NRG4: variants seen among roughly 807,000 people sequenced by gnomAD.
NRG4 encodes the protein pro-neuregulin-4, membrane-bound isoform.
A neutral mutation model predicts 15.0 loss-of-function variants in NRG4; 10 were observed. That is an observed-to-expected ratio of 0.67 (90% CI 0.41 to 1.13). The LOEUF is 1.13. Ranked by LOEUF, NRG4 falls within the 50% of genes most tolerant of loss-of-function variation. The pLI is 0.00. For missense variants in NRG4, 139 were observed against 140.2 expected (o/e 0.99, Z 0.04); for synonymous variants, 41 against 50.1 (o/e 0.82, Z 0.77).
intron 3 of NRG4, among the ~76,000 whole-genome samples, chr15:76,008,993 G>A (rs1411333031): frequency 2.0e-5 from 3 of 152,106 alleles, no homozygotes; most frequent in African/African-American, 7.2e-5. Context: ...GCAATTTTCA[G>A]AATAAACACC....
At position 76,003,281 on chromosome 15, in the gene NRG4, C is replaced by T. The variant is rs553968210; in HGVS notation, c.104+5919G>A. 1.2e-4 allele frequency among the ~76,000 whole-genome samples: 18 copies of T among 152,086 alleles called. No individual in the cohort carries two copies. In the East Asian group the frequency reaches 1.3e-3, roughly 11 times the overall value. The stretch of plus-strand genomic sequence containing the variant: ...TGAATTAAACAAAATGAAAATATGA[C>T]ACATCAAAAATCGTGAGCTGCTATT... On this transcript the variant is annotated intron_variant, in intron 3 of 5. Coordinates refer to ENST00000394907, the MANE Select transcript of NRG4 (RefSeq NM_138573.4).
chr15:76,010,770 G>C (rs571464131), intron 2 of NRG4, among the ~76,000 whole-genome samples: 2 of 152,136 alleles, frequency 1.3e-5, no homozygotes, highest in Admixed American at 1.3e-4. Context: ...CATCATATAT[G>C]GTTTTCCACT....
At chr15:76,028,961 A>C (rs1027107251) in intron 5 of NRG4, among the ~76,000 whole-genome samples, 5 of 151,994 alleles carry the variant, frequency 3.3e-5, no homozygotes, top group African/African-American at 1.2e-4. Flanking sequence ...GATATCCCAC[A>C]TAACTGTGAT....
chr15:76,048,237 C>T (rs141734070), intron 4 of NRG4, among the ~76,000 whole-genome samples: 3 of 150,210 alleles, frequency 2.0e-5, no homozygotes, highest in East Asian at 1.9e-4. Context: ...TTTGGGAGGC[C>T]GAGGCAGGCA....
chr15:75,961,197 T>C (rs2032498545), intron 4 of NRG4, among the ~76,000 whole-genome samples: 1 of 152,176 alleles, frequency 6.6e-6, no homozygotes, highest in African/African-American at 2.4e-5. Flanking sequence ...ATTCTATATT[T>C]ACTTTTACAA....
chr15:75,946,039 T>C (rs2031482896), intron 5 of NRG4, among the ~76,000 whole-genome samples: 1 of 152,182 alleles, frequency 6.6e-6, no homozygotes, highest in Non-Finnish European at 1.5e-5. Context: ...ACACAAGCAC[T>C]GTGATACTGC....
intron 4 of NRG4, chr15:75,959,010 T>C: frequency 5.0e-6 from 1 of 199,120 alleles, no homozygotes. Context: ...AGACAGGGTC[T>C]TGCTCTCTCA....
downstream of NRG4, chr15:75,935,449 C>T (rs2030249527): frequency 6.6e-6 from 1 of 152,112 alleles, no homozygotes; most frequent in Non-Finnish European, 1.5e-5. Flanking sequence ...ATTTCATCTA[C>T]ATACTTTCAA....
downstream of NRG4, chr15:75,940,009 C>T (rs1308379416): frequency 6.6e-6 from 1 of 151,848 alleles, no homozygotes; most frequent in East Asian, 1.9e-4. Flanking sequence ...GGAGTTCTAG[C>T]CTGAGCTAGA....
intron 3 of NRG4, among the ~76,000 whole-genome samples, chr15:75,966,118 T>C (rs542958960): frequency 2.4e-4 from 35 of 145,408 alleles, no homozygotes; most frequent in African/African-American, 8.5e-4. Flanking sequence ...ATACCACCAA[T>C]TATCTGCTCC....
chr15:75,952,478 T>TA (rs2031962317), intron 5 of NRG4, among the ~76,000 whole-genome samples: 1 of 152,220 alleles, frequency 6.6e-6, no homozygotes, highest in African/African-American at 2.4e-5. Flanking sequence ...TATATCCATT[T>TA]ATCAGCTGAT....
At chr15:76,029,770 T>C (rs575917976) in intron 5 of NRG4, among the ~76,000 whole-genome samples, 2 of 152,272 alleles carry the variant, frequency 1.3e-5, no homozygotes, top group South Asian at 2.1e-4. Flanking sequence ...ATGAAATAAA[T>C]TGAAGAGGAC....
At chr15:75,946,844 C>T (rs982473332) in intron 5 of NRG4, among the ~76,000 whole-genome samples, 5 of 152,210 alleles carry the variant, frequency 3.3e-5, no homozygotes, top group Admixed American at 2.0e-4. Flanking sequence ...TCACTTAGCA[C>T]GTCTTCAGGA....
chr15:75,954,076 C>G (rs1283149329), intron 5 of NRG4, among the ~76,000 whole-genome samples: 3 of 152,120 alleles, frequency 2.0e-5, no homozygotes, highest in Admixed American at 6.5e-5. Context: ...CCTCCTCTCT[C>G]TTATCTCCTT....
chr15:75,975,425 T>C (rs777832861), intron 3 of NRG4, among the ~76,000 whole-genome samples: 4 of 152,252 alleles, frequency 2.6e-5, no homozygotes, highest in Admixed American at 1.3e-4. Flanking sequence ...TGTTAATTGA[T>C]GCAGTTTCTT....
intron 5 of NRG4, among the ~76,000 whole-genome samples, chr15:76,022,359 T>A (rs575052682): frequency 6.6e-6 from 1 of 152,278 alleles, no homozygotes; most frequent in South Asian, 2.1e-4. Context: ...TTTTGACTTA[T>A]ACAAATGACA....
intron 3 of NRG4, among the ~76,000 whole-genome samples, chr15:75,996,005 TGTTTTCTC>T (rs2034201227): frequency 6.6e-6 from 1 of 152,250 alleles, no homozygotes; most frequent in East Asian, 1.9e-4. Flanking sequence ...GTTGTTTTCT[TGTTTTCTC>T]TATATCCATT....
chr15:75,989,781 C>T (rs1434530291), intron 3 of NRG4, among the ~76,000 whole-genome samples: 1 of 152,112 alleles, frequency 6.6e-6, no homozygotes, highest in Non-Finnish European at 1.5e-5. Flanking sequence ...TCATCCTAAT[C>T]ACATTTGCCT....
At position 76,049,423 on chromosome 15, in the gene NRG4, C is replaced by A. The variant is rs549008033; in HGVS notation, c.-105+2644G>T. ...GCCTCTTTTTCCTTTTACCTCTGAC[C>A]CTCCCATCCTCACTCTCAAACCCTC... is the stretch of plus-strand genomic sequence containing the variant. On this transcript the variant is annotated intron_variant, in intron 4 of 8. Transcript: ENST00000563910. Among the ~76,000 whole-genome samples, 2 of 150,460 alleles carry A rather than the reference C, an allele frequency of 1.3e-5. 1 individual carries two copies. The highest frequency in any genetic ancestry group is 5.0e-5 in the African/African-American group (2 of 40,264).
Sources: gnomAD v4.1 joint callset for allele counts (sites outside exome capture counted in the v4.1 genomes callset) on GRCh38, gnomAD v4.1.1 for gene constraint, MANE v1.5 for transcripts, NCBI Gene and HGNC (gene_info 2026-07-23, HGNC 2026-07-21) for gene names.